MTMR8: variants seen among roughly 807,000 people sequenced by gnomAD.
MTMR8 encodes the protein phosphatidylinositol-3,5-bisphosphate 3-phosphatase MTMR8.
Under a neutral mutation model 39.3 loss-of-function variants are expected in MTMR8, and 65 were observed. The ratio of observed to expected loss-of-function variants is 1.65; its 90% CI spans 1.35 to 2.03. The LOEUF (loss-of-function observed/expected upper bound fraction) is 2.03. Ranked by LOEUF, MTMR8 falls within the 30% of genes most tolerant of loss-of-function variation. The pLI is 0.00. For synonymous variants in MTMR8, 245 were observed against 185.2 expected (o/e 1.32, Z -2.62); for missense variants, 777 against 538.9 (o/e 1.44, Z -4.37).
At position 64,372,852 on chromosome X, in the gene MTMR8, C is replaced by T. The variant is rs1213964371; in HGVS notation, c.25-13325G>A. ...TCTCTGGGATAAATGGCCAAGAGTG[C>T]AATTTCTGTAATATTTTTTAATGAC... On this transcript the variant is annotated intron_variant, in intron 1 of 13. Coordinates refer to ENST00000374852, the MANE Select transcript of MTMR8 (RefSeq NM_017677.4). Among the ~76,000 whole-genome samples, 8 of 111,440 alleles carry T rather than the reference C, an allele frequency of 7.2e-5. No homozygotes were observed. The South Asian group carries it at 3.0e-3, about 42-fold the overall frequency.
At chrX:64,326,941 T>C (rs754536904) in intron 12 of MTMR8, among the ~76,000 whole-genome samples, 8 of 109,540 alleles carry the variant, frequency 7.3e-5, no homozygotes, top group Non-Finnish European at 1.5e-4. Context: ...GAAAATACAA[T>C]CTTCAGTAAA....
intron 1 of MTMR8, among the ~76,000 whole-genome samples, chrX:64,391,317 C>A (rs1370338116): frequency 9.0e-6 from 1 of 111,673 alleles, no homozygotes; most frequent in Non-Finnish European, 1.9e-5. Context: ...GAAGGAGAGT[C>A]CAGAAAACAG....
intron 4 of MTMR8, among the ~76,000 whole-genome samples, chrX:64,350,934 A>G (rs893757597): frequency 3.6e-5 from 4 of 111,851 alleles, no homozygotes; most frequent in African/African-American, 1.3e-4. Context: ...CAGATGAAAC[A>G]AATATAAACT....
At chrX:64,305,742 T>C in intron 12 of MTMR8, 1 of 470,397 alleles carries the variant, frequency 2.1e-6, no homozygotes, top group South Asian at 2.8e-5. Context: ...AAATGTATGA[T>C]GAATTAGAAC....
intron 12 of MTMR8, among the ~76,000 whole-genome samples, chrX:64,275,247 T>C (rs912954828): frequency 9.0e-6 from 1 of 111,275 alleles, no homozygotes; most frequent in Non-Finnish European, 1.9e-5. Context: ...TGATAATTTA[T>C]AGTGATACTA....
At position 64,319,322 on chromosome X, in the gene MTMR8, G is replaced by C. The variant is rs1922562676; in HGVS notation, c.1481+9450C>G. 2.7e-5 allele frequency among the ~76,000 whole-genome samples: 3 copies of C among 112,507 alleles called. 1 individual carries two copies. In the South Asian group the frequency reaches 1.1e-3, roughly 41 times the overall value. ...AAGAGACTACTTTGTCAGATGAGTAGATTGCAAAAATTTTCTCCCATTCTG... is the reference window on the plus strand; with the variant it reads ...AAGAGACTACTTTGTCAGATGAGTACATTGCAAAAATTTTCTCCCATTCTG... On this transcript the variant is annotated intron_variant, in intron 12 of 13. Transcript: ENST00000374852.
chrX:64,389,597 C>T (rs1924644093), intron 1 of MTMR8, among the ~76,000 whole-genome samples: 1 of 111,501 alleles, frequency 9.0e-6, no homozygotes, highest in South Asian at 3.8e-4. Flanking sequence ...TCTAGGTAGC[C>T]TCTTTCCTTG....
At chrX:64,362,072 C>G (rs746775365) in intron 1 of MTMR8, among the ~76,000 whole-genome samples, 1 of 110,348 alleles carries the variant, frequency 9.1e-6, no homozygotes, top group African/African-American at 3.3e-5. Context: ...ATAACATTCA[C>G]GATGGCAACA....
chrX:64,301,710 A>C (rs1244966849), intron 12 of MTMR8, among the ~76,000 whole-genome samples: 1 of 110,478 alleles, frequency 9.1e-6, no homozygotes, highest in African/African-American at 3.3e-5. Context: ...TTGCGGTTTT[A>C]TCTACTTTTG....
intron 12 of MTMR8, among the ~76,000 whole-genome samples, chrX:64,327,419 T>C (rs1922826000): frequency 8.9e-6 from 1 of 111,967 alleles, no homozygotes; most frequent in Admixed American, 9.5e-5. Flanking sequence ...CCAATAGGTA[T>C]ATGAAAAAAA....
chrX:64,290,643 G>C (rs1323766501), intron 12 of MTMR8, among the ~76,000 whole-genome samples: 2 of 110,529 alleles, frequency 1.8e-5, no homozygotes, highest in African/African-American at 3.3e-5. Flanking sequence ...TGTGGACTCT[G>C]TCCTTAGCCC....
intron 12 of MTMR8, among the ~76,000 whole-genome samples, chrX:64,274,694 A>G (rs1473256032): frequency 8.9e-6 from 1 of 112,318 alleles, no homozygotes; most frequent in Non-Finnish European, 1.9e-5. Context: ...AAAATGTGAT[A>G]TATACATACA....
chrX:64,377,268 A>G (rs1924295668), intron 1 of MTMR8, among the ~76,000 whole-genome samples: 1 of 112,005 alleles, frequency 8.9e-6, no homozygotes, highest in Non-Finnish European at 1.9e-5. Flanking sequence ...GAAGAGGGCC[A>G]CCATCCTCCA....
chrX:64,301,487 T>C (rs1358506764), intron 12 of MTMR8, among the ~76,000 whole-genome samples: 1 of 107,990 alleles, frequency 9.3e-6, no homozygotes. Flanking sequence ...TCTAAATTTT[T>C]TTCAAAGTTT....
chrX:64,377,847 G>A (rs781675145), intron 1 of MTMR8, among the ~76,000 whole-genome samples: 27 of 112,262 alleles, frequency 2.4e-4, no homozygotes, highest in Non-Finnish European at 4.3e-4. Context: ...ATGTCGAACT[G>A]TAATCCCCAA....
chrX:64,299,378 T>C (rs2147198663), intron 12 of MTMR8, among the ~76,000 whole-genome samples: 1 of 105,340 alleles, frequency 9.5e-6, no homozygotes, highest in South Asian at 4.4e-4. Flanking sequence ...GAGGTGTTTG[T>C]AGTATTCTCT....
chrX:64,367,980 A>T (rs926777010), intron 1 of MTMR8, among the ~76,000 whole-genome samples: 1 of 112,056 alleles, frequency 8.9e-6, no homozygotes, highest in Non-Finnish European at 1.9e-5. Flanking sequence ...ACAGAGAGCC[A>T]AATCATGAGT....
At chrX:64,352,435 C>G (rs181795526) in intron 4 of MTMR8, among the ~76,000 whole-genome samples, 14 of 111,688 alleles carry the variant, frequency 1.3e-4, no homozygotes, top group Non-Finnish European at 1.9e-5. Flanking sequence ...ATCACAAAAC[C>G]TGAGGAACGG....
rs11093828 is a variant in MTMR8, at chrX:64,289,471, C to A, written c.1482-18398G>T. ...TGAACAACATAGCAAGACCCTGTCT[C>A]TACAAAAATAAAATAATTAGCTGGG... is the stretch of plus-strand genomic sequence containing the variant. On this transcript the variant is annotated intron_variant, in intron 12 of 13. Coordinates refer to ENST00000374852, the MANE Select transcript of MTMR8 (RefSeq NM_017677.4). Among the ~76,000 whole-genome samples the A allele has an allele frequency of 4.6e-5, 5 of 108,770 alleles. No homozygotes were observed. In the East Asian group the frequency reaches 1.4e-3, roughly 31 times the overall value. 94.5% of individuals were successfully genotyped at this position (108,770 alleles called of 115,157 possible).
Sources: gnomAD v4.1 joint callset for allele counts (sites outside exome capture counted in the v4.1 genomes callset) on GRCh38, gnomAD v4.1.1 for gene constraint, MANE v1.5 for transcripts, NCBI Gene and HGNC (gene_info 2026-07-23, HGNC 2026-07-21) for gene names.